Variants in TFCP2 observed in about 807,000 individuals in gnomAD.
TFCP2 encodes the protein transcription factor CP2.
Under a neutral mutation model 73.4 loss-of-function variants are expected in TFCP2, and 33 were observed. That is an observed-to-expected ratio of 0.45 (90% confidence interval 0.34 to 0.60). The LOEUF (loss-of-function observed/expected upper bound fraction) is 0.60. Ranked by LOEUF, TFCP2 falls within the 20% of genes least tolerant of loss-of-function variation. The pLI is 0.01. For synonymous variants in TFCP2, 193 were observed against 211.6 expected, an observed-to-expected ratio of 0.91 and a Z score of 0.76; for missense variants, 352 against 604.0, an observed-to-expected ratio of 0.58 and a Z score of 4.37.
At chr12:51,141,375 A>C (rs1006657024) in intron 1 of TFCP2, among the ~76,000 whole-genome samples, 4 of 151,986 alleles carry the variant, frequency 2.6e-5, no homozygotes, top group African/African-American at 7.2e-5. Flanking sequence ...TCATCATTCT[A>C]CCTAAAGAAG....
At chr12:51,130,241 G>C (rs941975410) in intron 1 of TFCP2, among the ~76,000 whole-genome samples, 2 of 152,204 alleles carry the variant, frequency 1.3e-5, no homozygotes, top group African/African-American at 4.8e-5. Flanking sequence ...GGAGAACGAG[G>C]TGGGTGGATC....
At chr12:51,142,650 T>C (rs1011058817) in intron 1 of TFCP2, among the ~76,000 whole-genome samples, 1 of 152,240 alleles carries the variant, frequency 6.6e-6, no homozygotes, top group African/African-American at 2.4e-5. Flanking sequence ...TCTTCCTCCA[T>C]GGATCATTCC....
chr12:51,116,567 T>C, intron 3 of TFCP2, 147 bp from the exon 4 acceptor site: 2 of 422,968 alleles, frequency 4.7e-6, no homozygotes, highest in Non-Finnish European at 8.4e-6. Context: ...CTAAAACCCA[T>C]ACCATACTAA....
At chr12:51,159,547 G>A (rs770538738) in intron 1 of TFCP2, among the ~76,000 whole-genome samples, 1 of 151,864 alleles carries the variant, frequency 6.6e-6, no homozygotes, top group Non-Finnish European at 1.5e-5. Context: ...CCACATTGGC[G>A]AGGCTGGTCT....
chr12:51,142,669 T>C (rs1288806157), intron 1 of TFCP2, among the ~76,000 whole-genome samples: 1 of 152,188 alleles, frequency 6.6e-6, no homozygotes, highest in East Asian at 1.9e-4. Context: ...CCCATTAGCA[T>C]ACCATCACAT....
chr12:51,120,909 C>CAAA (rs35941534), intron 1 of TFCP2, among the ~76,000 whole-genome samples: 6,077 of 78,318 alleles, frequency 0.078, 391 homozygotes, highest in East Asian at 0.17. Context: ...GACTGTGTCT[C>CAAA]AAAAAAAAAA....
chr12:51,128,498 A>AAAAAAAAAAAAAAAAAAAAC (rs1555253519), intron 1 of TFCP2, among the ~76,000 whole-genome samples: 1 of 149,036 alleles, frequency 6.7e-6, no homozygotes, highest in Non-Finnish European at 1.5e-5. Context: ...AAAAACAAAA[A>AAAAAAAAAAAAAAAAAAAAC]AAACAAACTA....
rs546856571 is a variant in TFCP2 at position 51,147,746 on chromosome 12, T to C, written c.122+24555A>G. ...GACACTGACTTAGGCAAAGACCTCA[T>C]GACCAAGAACCCAAAAGTAAATGCA... On this transcript the variant is annotated intron_variant, in intron 1 of 14. Coordinates refer to ENST00000257915, the MANE Select transcript of TFCP2 (RefSeq NM_005653.5). Among the ~76,000 whole-genome samples, 3 of 152,300 alleles carry C rather than the reference T, an allele frequency of 2.0e-5. No individual in the cohort carries two copies. The South Asian group carries it at 6.2e-4, about 32-fold the overall frequency.
chr12:51,121,054 TA>T (rs754897026), intron 1 of TFCP2, among the ~76,000 whole-genome samples: 1 of 150,966 alleles, frequency 6.6e-6, no homozygotes, highest in Non-Finnish European at 1.5e-5. Flanking sequence ...AAAGAAAAAA[TA>T]TATATAGGCC....
At chr12:51,168,893 C>T (rs1941806564) in intron 1 of TFCP2, among the ~76,000 whole-genome samples, 1 of 151,920 alleles carries the variant, frequency 6.6e-6, no homozygotes, top group African/African-American at 2.4e-5. Context: ...CTTCCGCCTC[C>T]CGGGTTCATG....
intron 13 of TFCP2, among the ~76,000 whole-genome samples, chr12:51,097,288 G>A (rs564195872): frequency 2.6e-5 from 4 of 151,282 alleles, no homozygotes; most frequent in African/African-American, 9.7e-5. Flanking sequence ...TCGCTCTGTC[G>A]CCTAGGCTGG....
chr12:51,103,030 C>G (rs1450560828), intron 10 of TFCP2, among the ~76,000 whole-genome samples: 1 of 151,898 alleles, frequency 6.6e-6, no homozygotes, highest in Non-Finnish European at 1.5e-5. Flanking sequence ...TACCTGTAAT[C>G]CCAGCACTTT....
At chr12:51,102,071 T>C in intron 10 of TFCP2, 46 bp from the exon 11 acceptor site, 3 of 1,317,192 alleles carry the variant, frequency 2.3e-6, no homozygotes, top group Non-Finnish European at 3.3e-6. Flanking sequence ...AAGATTCTCT[T>C]TGTTAATGAC....
intron 1 of TFCP2, among the ~76,000 whole-genome samples, chr12:51,158,997 AC>A: frequency 3.4e-5 from 1 of 29,708 alleles, no homozygotes. Context: ...CCCTCTCTCT[AC>A]TAAAAATCCA....
chr12:51,099,009 G>C (rs1029240740), intron 12 of TFCP2, 91 bp from the exon 13 acceptor site: 1 of 1,378,990 alleles, frequency 7.3e-7, no homozygotes, highest in Non-Finnish European at 1.0e-6. Context: ...TTTTCTGAAG[G>C]ACTCAGAAAT....
chr12:51,157,686 C>CTTTTT (rs538061913), intron 1 of TFCP2, among the ~76,000 whole-genome samples: 14 of 96,094 alleles, frequency 1.5e-4, no homozygotes, highest in African/African-American at 5.5e-4. Flanking sequence ...CTTTTCTTTT[C>CTTTTT]TTTTTTTTTT....
Position 51,128,782 on chromosome 12 carries a change from T to G in TFCP2, c.123-10010A>C, listed in dbSNP as rs76756669. 2.8e-3 allele frequency among the ~76,000 whole-genome samples: 420 copies of G among 152,284 alleles called. 2 individuals are homozygous for G. Among genetic ancestry groups the G allele is most frequent in the African/African-American group, 9.5e-3 (394 of 41,556 alleles). On this transcript the variant is annotated intron_variant, in intron 1 of 14. Coordinates refer to ENST00000257915, the MANE Select transcript of TFCP2 (RefSeq NM_005653.5). ...TGCAACAGGGGCCCAGAGCAACCTG[T>G]CCTTTGTAACATTTTTTTATAAATG...
intron 5 of TFCP2, among the ~76,000 whole-genome samples, chr12:51,109,869 C>T (rs975878274): frequency 1.1e-4 from 16 of 152,080 alleles, no homozygotes; most frequent in Admixed American, 1.3e-4. Flanking sequence ...CAGGCACACA[C>T]CACCACGCCC....
chr12:51,159,260 T>G lies in TFCP2; in HGVS notation c.122+13041A>C, dbSNP rs191250975. ...GGTAGTGGGGGAATTTGCAACAAAG[T>G]GGTGAGATGCAACAATAACCATTGC... On this transcript the variant is annotated intron_variant, in intron 1 of 14. Coordinates refer to ENST00000257915, the MANE Select transcript of TFCP2 (RefSeq NM_005653.5). Among the ~76,000 whole-genome samples the G allele has an allele frequency of 2.4e-3, 372 of 151,858 alleles. 2 individuals carry two copies. Among genetic ancestry groups the G allele is most frequent in the African/African-American group, 8.4e-3 (350 of 41,450 alleles).
Sources: allele counts gnomAD v4.1 joint callset (sites outside exome capture counted in the v4.1 genomes callset), GRCh38; gene constraint gnomAD v4.1.1; transcripts MANE v1.5; gene names NCBI Gene and HGNC (gene_info 2026-07-23, HGNC 2026-07-21).